Variants in TAX1BP3 observed in about 807,000 individuals in gnomAD.
TAX1BP3 encodes the protein Tax1 binding protein 3, also known as tax1-binding protein 3.
Under a neutral mutation model 15.3 loss-of-function variants are expected in TAX1BP3, and 13 were observed. The ratio of observed to expected loss-of-function variants is 0.85; its 90% CI spans 0.55 to 1.35. The LOEUF (loss-of-function observed/expected upper bound fraction) is 1.35, where lower values mean the gene tolerates loss of function less well. Ranked by LOEUF, TAX1BP3 falls within the 40% of genes most tolerant of loss-of-function variation. The probability of loss-of-function intolerance (pLI) is 0.00; values close to 1 mark genes in which losing one functional copy is unlikely to be tolerated. For missense variants in TAX1BP3, 147 were observed against 169.6 expected (o/e 0.87, Z 0.74); for synonymous variants, 70 against 66.0 (o/e 1.06, Z -0.30).
In TAX1BP3 at chr17:3,668,116, C is replaced by T. The variant is rs1396424560; in HGVS notation, c.39+372G>A. Among the ~76,000 whole-genome samples, 10 of 152,352 alleles carry T rather than the reference C, an allele frequency of 6.6e-5. No homozygotes were observed. Among genetic ancestry groups the T allele is most frequent in the African/African-American group, 2.4e-4 (10 of 41,590 alleles). On this transcript the variant is annotated intron_variant, in intron 1 of 3. Transcript: ENST00000225525. This position sits in a 1 kb window ranked among gnomAD's most constrained non-coding sequence, Gnocchi z 4.1. ...CAGCGGAGGAAGCATTTCCTCATTCCAGAGGCTGCGACTCATGGACGTCGG... is the reference window on the plus strand; with the variant it reads ...CAGCGGAGGAAGCATTTCCTCATTCTAGAGGCTGCGACTCATGGACGTCGG...
At position 3,663,821 on chromosome 17, in the gene TAX1BP3, GA is replaced by G. The variant is rs760145825; in HGVS notation, c.301del (p.Ser101ArgfsTer9). 1 of 1,609,442 alleles carries G rather than the reference GA, an allele frequency of 6.2e-7. No individual in the cohort carries two copies. Among genetic ancestry groups the G allele is most frequent in the Non-Finnish European group, 8.5e-7 (1 of 1,179,916 alleles). ...DQARKRLTKR[S>X]EEVVRLLVTR... ...CACCAGCAGACGCACCACCTCCTCCGAGCGCTTGGTGAGCCGCTTGCGGGCC... is the reference window on the plus strand; with the variant it reads ...CACCAGCAGACGCACCACCTCCTCCGGCGCTTGGTGAGCCGCTTGCGGGCC... On this transcript the variant is annotated frameshift_variant, in exon 4 of 4. Transcript: ENST00000225525. LOFTEE classifies it high-confidence loss of function.
chr17:3,666,546 G>C (rs528248108), intron 1 of TAX1BP3, among the ~76,000 whole-genome samples: 3 of 152,266 alleles, frequency 2.0e-5, no homozygotes, highest in South Asian at 4.1e-4. Flanking sequence ...CTGCGGGGCA[G>C]GTGTCCAGAA....
intron 1 of TAX1BP3, chr17:3,665,721 AAAT>A (rs2076332406): frequency 1.4e-6 from 1 of 703,854 alleles, no homozygotes; most frequent in East Asian, 2.5e-5. Flanking sequence ...AAACAAAAAA[AAAT>A]AAAGGATCTC....
At position 3,667,145 on chromosome 17, in the gene TAX1BP3, A is replaced by C. The variant is rs533409651; in HGVS notation, c.39+1343T>G. 1.1e-3 allele frequency among the ~76,000 whole-genome samples: 173 copies of C among 152,156 alleles called. 1 individual carries two copies. The highest frequency in any genetic ancestry group is 4.0e-3 in the African/African-American group (164 of 41,504). On this transcript the variant is annotated intron_variant, in intron 1 of 3. Coordinates refer to ENST00000225525, the MANE Select transcript of TAX1BP3 (RefSeq NM_014604.4). Reference sequence around the variant, plus strand: ...GATCACCAGAGGTCAGGAGTTCAAGACAAGCCTGGCCAACATGGTGAAACC... The same window carrying C: ...GATCACCAGAGGTCAGGAGTTCAAGCCAAGCCTGGCCAACATGGTGAAACC...
At position 3,665,587 on chromosome 17, in the gene TAX1BP3, G is replaced by T. The variant is rs866825853; in HGVS notation, c.40-789C>A. 5.8e-5 allele frequency: 79 copies of T among 1,364,910 alleles called. 2 individuals carry two copies. The Middle Eastern group carries it at 1.2e-3, about 21-fold the overall frequency. The allele number at this position is 1,364,910 out of a possible 1,614,324, so 84.5% of individuals were successfully genotyped here. A position where few individuals can be genotyped will look rare whatever the true frequency, so the allele number is the denominator to read the frequency against. On this transcript the variant is annotated intron_variant, in intron 1 of 3. Coordinates refer to ENST00000225525, the MANE Select transcript of TAX1BP3 (RefSeq NM_014604.4). Reference sequence around the variant, plus strand: ...AAAAAGAAAGAAGCCAAAGAGAAAGGTACCTGGGTTCAACTAAAGCACCAG... The same window carrying T: ...AAAAAGAAAGAAGCCAAAGAGAAAGTTACCTGGGTTCAACTAAAGCACCAG...
intron 1 of TAX1BP3, among the ~76,000 whole-genome samples, chr17:3,666,403 T>C (rs1434765680): frequency 1.3e-5 from 2 of 151,878 alleles, no homozygotes; most frequent in African/African-American, 2.4e-5. Context: ...AAAATGGAGA[T>C]CTACAGACTT....
chr17:3,663,640 T>G lies in TAX1BP3; in HGVS notation c.*108A>C. 1 of 1,473,598 alleles carries G rather than the reference T, an allele frequency of 6.8e-7. No homozygotes were observed. Among genetic ancestry groups the G allele is most frequent in the Non-Finnish European group, 9.0e-7 (1 of 1,108,766 alleles). 91.3% of individuals were successfully genotyped at this position (1,473,598 alleles called of 1,614,324 possible). A position where few individuals can be genotyped will look rare whatever the true frequency, so the allele number is the denominator to read the frequency against. On this transcript the variant is annotated 3_prime_UTR_variant, in exon 4 of 4. Transcript: ENST00000225525. ...AGGCCTCTGGGACCAGCTATAGCCC[T>G]TCTGAGCTGGGGCCCAGCGGTCAGC... is the stretch of plus-strand genomic sequence containing the variant.
chr17:3,664,432 C>G, intron 2 of TAX1BP3, 160 bp from the exon 3 acceptor site: 1 of 1,001,586 alleles, frequency 1.0e-6, no homozygotes. Flanking sequence ...AGAGCCGGGG[C>G]AGAGTTGCTG....
At chr17:3,664,371 C>T in intron 2 of TAX1BP3, 99 bp from the exon 3 acceptor site, 1 of 1,393,014 alleles carries the variant, frequency 7.2e-7, no homozygotes, top group Non-Finnish European at 1.0e-6. Context: ...GTCCCTCTGT[C>T]CCTGCACCCA....
chr17:3,665,453 A>C (rs961606310), intron 1 of TAX1BP3: 1 of 1,413,110 alleles, frequency 7.1e-7, no homozygotes, highest in African/African-American at 1.4e-5. Flanking sequence ...TTGTAAACAA[A>C]CAAGTTAAGG....
rs113503456 is a variant in TAX1BP3, at chr17:3,668,540, T to C, written c.-14A>G. On this transcript the variant is annotated 5_prime_UTR_variant, in exon 1 of 4. Coordinates refer to ENST00000225525, the MANE Select transcript of TAX1BP3 (RefSeq NM_014604.4). The surrounding 1 kb of genome is among the most constrained non-coding windows in gnomAD (Gnocchi z 4.1). ...GATGTAGGACATCTCGACCCTGCTC[T>C]GGTCGCCCAGCGCCGCTCCGAGAAG... 38,126 of 1,599,626 alleles carry C rather than the reference T, an allele frequency of 0.024. 975 individuals carry two copies. The highest frequency in any genetic ancestry group is 0.13 in the African/African-American group (9,598 of 73,970).
chr17:3,665,705 G>C (rs1311100019), intron 1 of TAX1BP3: 1 of 494,344 alleles, frequency 2.0e-6, no homozygotes, highest in Non-Finnish European at 3.7e-6. Context: ...TGGCATAATA[G>C]GTGTTAAACA....
At chr17:3,664,427 C>T (rs1377389601) in intron 2 of TAX1BP3, 155 bp from the exon 3 acceptor site, 6 of 1,027,394 alleles carry the variant, frequency 5.8e-6, no homozygotes, top group East Asian at 2.6e-5. Context: ...CTGAGAGAGC[C>T]GGGGCAGAGT....
At chr17:3,666,788 G>A (rs533744389) in intron 1 of TAX1BP3, among the ~76,000 whole-genome samples, 2 of 152,288 alleles carry the variant, frequency 1.3e-5, no homozygotes, top group East Asian at 3.9e-4. Flanking sequence ...CCTGGGACCA[G>A]TTATGGCGTG....
At position 3,668,515 on chromosome 17, in the gene TAX1BP3, G is replaced by C. The variant is rs921424492; in HGVS notation, c.12C>G (p.Ile4Met). ...CCACGGCGGTGACCGGCTGGCCCGG[G>C]ATGTAGGACATCTCGACCCTGCTCT... MSY[I>M]PGQPVTAVVQ... The change falls in exon 1 of 4, where the codon ATC (isoleucine) becomes ATG (methionine). Residue 4 changes from isoleucine (I) to methionine (M), a missense_variant. Transcript: ENST00000225525. This position sits in a 1 kb window ranked among gnomAD's most constrained non-coding sequence, Gnocchi z 4.1. 6.2e-7 allele frequency: 1 copy of C among 1,608,378 alleles called. No homozygotes were observed. The highest frequency in any genetic ancestry group is 1.3e-5 in the African/African-American group (1 of 74,532).
At chr17:3,665,747 A>G in intron 1 of TAX1BP3, 2 of 583,916 alleles carry the variant, frequency 3.4e-6, no homozygotes, top group South Asian at 3.5e-5. Flanking sequence ...GGCTCCAAAA[A>G]AAAAAAAAAA....
At chr17:3,665,762 A>AAAAAG in intron 1 of TAX1BP3, 1 of 613,622 alleles carries the variant, frequency 1.6e-6, no homozygotes, top group South Asian at 1.7e-5. Flanking sequence ...AAAAAAAAAA[A>AAAAAG]AAAGAAAGGA....
Position 3,664,227 on chromosome 17 carries a change from C to T in TAX1BP3, c.205G>A (p.Ala69Thr), listed in dbSNP as rs778848457. Residue 69 changes from alanine to threonine, a missense_variant, in exon 3 of 4, where the codon GCT (alanine) becomes ACT (threonine). Physicochemically the swap from Ala to Thr is moderately conservative, Grantham distance 58. Transcript: ENST00000225525. The part of the protein sequence containing the change: ...RVSEGGPAEI[A>T]GLQIGDKIMQ... ...ATCTTGTCTCCAATCTGCAGCCCAG[C>T]GATTTCAGCAGGGCCTCCTTCAGAC... The T allele has an allele frequency of 5.6e-6, 9 of 1,614,092 alleles. No homozygotes were observed. Among genetic ancestry groups the T allele is most frequent in the South Asian group, 4.4e-5 (4 of 91,090 alleles).
intron 1 of TAX1BP3, among the ~76,000 whole-genome samples, chr17:3,667,702 A>G (rs2076356855): frequency 6.6e-6 from 1 of 151,324 alleles, no homozygotes; most frequent in South Asian, 2.1e-4. Flanking sequence ...TCTCTCTGGG[A>G]CTCCCCACCT....
Sources: allele counts gnomAD v4.1 joint callset (sites outside exome capture counted in the v4.1 genomes callset), GRCh38; gene constraint gnomAD v4.1.1; non-coding constraint Gnocchi (gnomAD v3.1); transcripts MANE v1.5; gene names NCBI Gene and HGNC (gene_info 2026-07-23, HGNC 2026-07-21).